The following TENM3 variants were observed in gnomAD, a reference collection of about 807,000 sequenced individuals.
The protein encoded by TENM3 is teneurin-3.
Under a neutral mutation model 255.1 loss-of-function variants are expected in TENM3, and 63 were observed. The ratio of observed to expected loss-of-function variants is 0.25; its 90% confidence interval spans 0.20 to 0.30. TENM3 has a LOEUF of 0.30. Among genes scored for constraint, TENM3 ranks in the 10% least tolerant of loss-of-function variants. The probability of loss-of-function intolerance (pLI) is 1.00; values close to 1 mark genes in which losing one functional copy is unlikely to be tolerated. For synonymous variants in TENM3, 1,306 were observed against 1,322.3 expected (o/e 0.99, Z 0.27); for missense variants, 2,929 against 3,461.1 (o/e 0.85, Z 3.86).
At chr4:182,613,309 TTAAAG>T (rs1749181343) in intron 4 of TENM3, among the ~76,000 whole-genome samples, 1 of 152,178 alleles carries the variant, frequency 6.6e-6, no homozygotes, top group South Asian at 2.1e-4. Context: ...GGATTCTTCA[TTAAAG>T]TAACCAAAAT....
intron 9 of TENM3, 41 bp from the exon 10 acceptor site, chr4:182,680,502 A>G: frequency 1.9e-6 from 3 of 1,604,032 alleles, no homozygotes; most frequent in South Asian, 1.1e-5. Flanking sequence ...AGCTCGGTGG[A>G]AAGTGTGGCT....
the TENM3 span, among the ~76,000 whole-genome samples, chr4:181,828,219 T>TA: frequency 6.6e-6 from 1 of 152,170 alleles, no homozygotes; most frequent in Non-Finnish European, 1.5e-5. Context: ...CTCCTTCCCT[T>TA]ACTGCCAAGG....
At chr4:182,203,141 A>C (rs1754308220) in intron 1 of TENM3, among the ~76,000 whole-genome samples, 1 of 151,776 alleles carries the variant, frequency 6.6e-6, no homozygotes, top group Non-Finnish European at 1.5e-5. Flanking sequence ...CACTTGAACC[A>C]GGGAGGTGGA....
the TENM3 span, among the ~76,000 whole-genome samples, chr4:182,132,105 G>A: frequency 2.6e-4 from 40 of 152,326 alleles, no homozygotes; most frequent in African/African-American, 7.5e-4. Context: ...TCTTCTGTAA[G>A]TCTAGCCTTC....
the TENM3 span, among the ~76,000 whole-genome samples, chr4:181,795,712 A>G: frequency 6.6e-6 from 1 of 152,246 alleles, no homozygotes; most frequent in Non-Finnish European, 1.5e-5. Flanking sequence ...ATATCAAGGT[A>G]ATAAATAGCA....
chr4:182,150,693 C>T (rs1310110850), intron 1 of TENM3, among the ~76,000 whole-genome samples: 2 of 152,096 alleles, frequency 1.3e-5, no homozygotes, highest in Non-Finnish European at 2.9e-5. Flanking sequence ...AGGCCACTTA[C>T]CTTTAAAGAT....
At chr4:182,537,808 G>A (rs1000280881) in intron 3 of TENM3, among the ~76,000 whole-genome samples, 2 of 152,158 alleles carry the variant, frequency 1.3e-5, no homozygotes, top group Non-Finnish European at 2.9e-5. Flanking sequence ...TCATGCTGCA[G>A]CGTGTTAAGT....
intron 1 of TENM3, among the ~76,000 whole-genome samples, chr4:182,282,258 A>G (rs1388541257): frequency 6.6e-6 from 1 of 152,214 alleles, no homozygotes; most frequent in Non-Finnish European, 1.5e-5. Flanking sequence ...CCCAAACATT[A>G]GGAGGGATGG....
the TENM3 span, among the ~76,000 whole-genome samples, chr4:181,652,454 T>A: frequency 6.6e-6 from 1 of 152,250 alleles, no homozygotes; most frequent in Non-Finnish European, 1.5e-5. Context: ...GATGCCATGT[T>A]TCTTCACTGT....
intron 5 of TENM3, among the ~76,000 whole-genome samples, chr4:182,636,730 GAAAGAAAGA>G (rs1295867893): frequency 1.1e-5 from 1 of 93,822 alleles, no homozygotes; most frequent in African/African-American, 5.7e-5. Flanking sequence ...AAAAAAAAAA[GAAAGAAAGA>G]AAAGAAAAGA....
chr4:182,686,990 T>G lies in TENM3; in HGVS notation c.2036-1176T>G, dbSNP rs545070470. 6.4e-4 allele frequency among the ~76,000 whole-genome samples: 97 copies of G among 152,234 alleles called. 2 individuals carry two copies. The South Asian group carries it at 0.02, about 31-fold the overall frequency. The stretch of plus-strand genomic sequence containing the variant: ...TCCAGTTAATAGTCCTGGGTGTTGT[T>G]TATAAAAAATATTACAACTCTCGTA... On this transcript the variant is annotated intron_variant, in intron 11 of 27. Transcript: ENST00000511685.
intron 1 of TENM3, among the ~76,000 whole-genome samples, chr4:182,226,986 C>A (rs144746103): frequency 1.5e-3 from 229 of 152,254 alleles, no homozygotes; most frequent in Non-Finnish European, 2.7e-3. Context: ...TACTTAATGG[C>A]AGTTTAAAGC....
intron 12 of TENM3, among the ~76,000 whole-genome samples, chr4:182,692,861 A>G (rs1176755703): frequency 6.6e-6 from 1 of 150,808 alleles, no homozygotes; most frequent in East Asian, 1.9e-4. Context: ...TTTTTTTTTT[A>G]ACTTCTCTCC....
the TENM3 span, among the ~76,000 whole-genome samples, chr4:181,763,454 T>C: frequency 2.6e-5 from 4 of 152,252 alleles, no homozygotes; most frequent in Admixed American, 2.0e-4. Context: ...TCTGTTTTTA[T>C]ATGGCCCATG....
intron 3 of TENM3, among the ~76,000 whole-genome samples, chr4:182,567,225 T>A (rs1743883937): frequency 1.3e-5 from 2 of 152,198 alleles, no homozygotes; most frequent in African/African-American, 4.8e-5. Flanking sequence ...ATTGTCAAAG[T>A]ATGTTCAGAA....
At chr4:182,354,070 C>T (rs767357273) in intron 3 of TENM3, among the ~76,000 whole-genome samples, 5 of 151,966 alleles carry the variant, frequency 3.3e-5, no homozygotes, top group Non-Finnish European at 7.4e-5. Context: ...GTTGTTACTA[C>T]AGGCTTAAGT....
chr4:181,573,351 C>T, the TENM3 span, among the ~76,000 whole-genome samples: 2 of 152,090 alleles, frequency 1.3e-5, no homozygotes, highest in Non-Finnish European at 2.9e-5. Context: ...AATTTACATT[C>T]CCACCAAGAG....
the TENM3 span, among the ~76,000 whole-genome samples, chr4:182,119,025 G>T: frequency 6.6e-6 from 1 of 152,168 alleles, no homozygotes; most frequent in East Asian, 1.9e-4. Flanking sequence ...CCCATGACAG[G>T]GTCTCAGTCT....
At chr4:182,422,743 C>T (rs1770930019) in intron 3 of TENM3, among the ~76,000 whole-genome samples, 1 of 152,158 alleles carries the variant, frequency 6.6e-6, no homozygotes, top group Non-Finnish European at 1.5e-5. Flanking sequence ...TTTTTTACTG[C>T]TTATTGTACA....
Sources: gnomAD v4.1 joint callset for allele counts (sites outside exome capture counted in the v4.1 genomes callset) on GRCh38, gnomAD v4.1.1 for gene constraint, MANE v1.5 for transcripts, NCBI Gene and HGNC (gene_info 2026-07-23, HGNC 2026-07-21) for gene names.